KCNH7: variants seen among roughly 807,000 people sequenced by gnomAD.
The protein encoded by KCNH7 is voltage-gated inwardly rectifying potassium channel KCNH7.
A neutral mutation model predicts 120.8 loss-of-function variants in KCNH7; 49 were observed. That is an observed-to-expected ratio of 0.41 (90% CI 0.32 to 0.51). The LOEUF is 0.51. Ranked by LOEUF, KCNH7 falls within the 20% of genes least tolerant of loss-of-function variation. The pLI, the probability that KCNH7 is intolerant of heterozygous loss-of-function variation, is 0.38. For missense variants in KCNH7, 1,097 were observed against 1,446.6 expected (o/e 0.76, Z 3.92); for synonymous variants, 547 against 516.1 (o/e 1.06, Z -0.81).
At chr2:162,433,929 A>G (rs1315322531) in intron 8 of KCNH7, among the ~76,000 whole-genome samples, 2 of 152,058 alleles carry the variant, frequency 1.3e-5, no homozygotes, top group African/African-American at 4.8e-5. Context: ...ACATGTACTT[A>G]TATGTTCATT....
intron 2 of KCNH7, among the ~76,000 whole-genome samples, chr2:162,692,707 GA>G (rs1194965303): frequency 2.0e-5 from 3 of 152,104 alleles, no homozygotes; most frequent in Admixed American, 6.6e-5. Flanking sequence ...TAAGGGTTGA[GA>G]AAAGTTCATA....
chr2:162,450,374 T>C (rs186291584), intron 6 of KCNH7, among the ~76,000 whole-genome samples: 2 of 152,186 alleles, frequency 1.3e-5, no homozygotes. Flanking sequence ...TTGTAGAAAC[T>C]GGTATGGTAT....
chr2:162,674,690 T>C (rs1401991999), intron 2 of KCNH7, among the ~76,000 whole-genome samples: 1 of 151,600 alleles, frequency 6.6e-6, no homozygotes, highest in East Asian at 1.9e-4. Context: ...AACATTTCCA[T>C]ACATAAGAAA....
chr2:162,690,449 T>C (rs912881769), intron 2 of KCNH7, among the ~76,000 whole-genome samples: 5 of 152,184 alleles, frequency 3.3e-5, no homozygotes, highest in Non-Finnish European at 7.4e-5. Context: ...ATGCTGGTTT[T>C]ACCCATCATT....
chr2:162,576,320 C>T (rs1265739787), intron 2 of KCNH7, among the ~76,000 whole-genome samples: 5 of 151,962 alleles, frequency 3.3e-5, no homozygotes, highest in African/African-American at 7.2e-5. Context: ...GCAACTTTGC[C>T]GGTCATATCA....
At chr2:162,834,018 C>T (rs1219682473) in intron 2 of KCNH7, among the ~76,000 whole-genome samples, 1 of 152,044 alleles carries the variant, frequency 6.6e-6, no homozygotes, top group African/African-American at 2.4e-5. Context: ...AAGTCAATGG[C>T]ATCAATAATA....
chr2:162,517,052 T>A (rs545504730), intron 4 of KCNH7, among the ~76,000 whole-genome samples: 4 of 151,776 alleles, frequency 2.6e-5, no homozygotes, highest in Admixed American at 2.6e-4. Context: ...TCAATTACCA[T>A]GTTCATGATA....
At chr2:162,825,794 AGG>A (rs1430599846) in intron 2 of KCNH7, among the ~76,000 whole-genome samples, 4 of 152,110 alleles carry the variant, frequency 2.6e-5, no homozygotes, top group African/African-American at 9.7e-5. Context: ...TTTCTCAGTG[AGG>A]AAAACAAGCT....
chr2:162,732,951 A>G (rs1687777645), intron 2 of KCNH7, among the ~76,000 whole-genome samples: 1 of 152,210 alleles, frequency 6.6e-6, no homozygotes, highest in South Asian at 2.1e-4. Context: ...CATTGATAAC[A>G]TTTGAAATAC....
chr2:162,712,735 A>C (rs2105360406), intron 2 of KCNH7, among the ~76,000 whole-genome samples: 1 of 152,302 alleles, frequency 6.6e-6, no homozygotes, highest in South Asian at 2.1e-4. Flanking sequence ...TCAGTTTTCA[A>C]CACGTATCAT....
intron 2 of KCNH7, among the ~76,000 whole-genome samples, chr2:162,808,317 C>T (rs1166752550): frequency 6.6e-6 from 1 of 152,128 alleles, no homozygotes. Context: ...GCCAACCGTT[C>T]CATAAATGCC....
chr2:162,614,337 C>T (rs1370987715), intron 2 of KCNH7, among the ~76,000 whole-genome samples: 1 of 152,022 alleles, frequency 6.6e-6, no homozygotes, highest in Non-Finnish European at 1.5e-5. Flanking sequence ...GAGAGATTTA[C>T]ACTTGTCCAC....
At chr2:162,825,780 G>T (rs1685261596) in intron 2 of KCNH7, among the ~76,000 whole-genome samples, 1 of 152,018 alleles carries the variant, frequency 6.6e-6, no homozygotes, top group Admixed American at 6.6e-5. Context: ...ATGTTCAGCA[G>T]AAATTTCTCA....
At chr2:162,483,071 G>C (rs771751225) in intron 6 of KCNH7, among the ~76,000 whole-genome samples, 1 of 152,052 alleles carries the variant, frequency 6.6e-6, no homozygotes, top group Non-Finnish European at 1.5e-5. Flanking sequence ...ATAAGCTAAA[G>C]AAATAAAAGT....
intron 4 of KCNH7, among the ~76,000 whole-genome samples, chr2:162,515,320 C>T (rs1437070412): frequency 2.0e-5 from 3 of 151,632 alleles, no homozygotes; most frequent in African/African-American, 7.3e-5. Flanking sequence ...CATTCTTTCT[C>T]ATAATTGTAT....
At chr2:162,630,614 C>A (rs1031591251) in intron 2 of KCNH7, among the ~76,000 whole-genome samples, 5 of 151,920 alleles carry the variant, frequency 3.3e-5, no homozygotes, top group Non-Finnish European at 7.4e-5. Flanking sequence ...TAAAATTAGA[C>A]AATAAAAACA....
At chr2:162,745,607 A>G (rs1174023254) in intron 2 of KCNH7, among the ~76,000 whole-genome samples, 2 of 152,232 alleles carry the variant, frequency 1.3e-5, no homozygotes, top group Non-Finnish European at 2.9e-5. Context: ...TGGAAAAATC[A>G]ATAGTCACCA....
At chr2:162,799,217 T>A (rs1469107845) in intron 2 of KCNH7, among the ~76,000 whole-genome samples, 1 of 152,020 alleles carries the variant, frequency 6.6e-6, no homozygotes, top group Non-Finnish European at 1.5e-5. Context: ...TTTTCCTTAA[T>A]CTGTGAAAAA....
At chr2:162,618,922 T>A (rs1411376679) in intron 2 of KCNH7, among the ~76,000 whole-genome samples, 1 of 152,158 alleles carries the variant, frequency 6.6e-6, no homozygotes, top group Non-Finnish European at 1.5e-5. Flanking sequence ...TGCATATTTA[T>A]TCATGCTTGT....
Sources: allele counts gnomAD v4.1 joint callset (sites outside exome capture counted in the v4.1 genomes callset), GRCh38; gene constraint gnomAD v4.1.1; transcripts MANE v1.5; gene names NCBI Gene and HGNC (gene_info 2026-07-23, HGNC 2026-07-21).